Variants in HROB observed in about 807,000 individuals in gnomAD.
HROB encodes the protein homologous recombination OB-fold protein.
In HROB, 44 loss-of-function variants were observed where a neutral mutation model predicts 61.0. That is an observed-to-expected ratio of 0.72 (90% CI 0.57 to 0.93). The LOEUF (loss-of-function observed/expected upper bound fraction) is 0.93. Ranked by LOEUF, HROB falls within the 40% of genes least tolerant of loss-of-function variation. The pLI, the probability that HROB is intolerant of heterozygous loss-of-function variation, is 0.00. For missense variants in HROB, 716 were observed against 796.2 expected (o/e 0.90, Z 1.21); for synonymous variants, 301 against 310.4 (o/e 0.97, Z 0.32).
Position 44,147,859 on chromosome 17 carries a change from A to T in HROB, c.56A>T (p.Asp19Val), listed in dbSNP as rs2053658523. Residue 19 changes from aspartate (D) to valine (V), a missense_variant and splice_region_variant, in exon 3 of 10, where the codon GAT becomes GTT. Coordinates refer to ENST00000585683, the MANE Select transcript of HROB (RefSeq NM_001171251.3). Reference protein sequence around the residue: ...FAVEEEFEDEDFLSAVEDAEN... With the variant: ...FAVEEEFEDEVFLSAVEDAEN... ...CCTACCATCTCTGCTTCCTTGTAGG[A>T]TTTCTTGTCTGCTGTGGAGGATGCA... is the stretch of plus-strand genomic sequence containing the variant. The T allele has an allele frequency of 6.2e-7, 1 of 1,608,630 alleles. No homozygotes were observed. The highest frequency in any genetic ancestry group is 8.5e-7 in the Non-Finnish European group (1 of 1,176,016).
Position 44,161,942 on chromosome 17 carries a change from A to G in HROB, c.*10A>G, listed in dbSNP as rs369746705. 1.4e-5 allele frequency: 23 copies of G among 1,613,256 alleles called. No individual in the cohort carries two copies. The highest frequency in any genetic ancestry group is 2.0e-5 in the Non-Finnish European group (23 of 1,179,314). On this transcript the variant is annotated 3_prime_UTR_variant, in exon 10 of 10. Coordinates refer to ENST00000585683, the MANE Select transcript of HROB (RefSeq NM_001171251.3). ...TGGGACCAGTAGTTGAGACTGCCCC[A>G]ACGCAGGACAACCCACCATGAGCAG...
Position 44,151,028 on chromosome 17 carries a change from C to G in HROB, c.1292C>G (p.Ala431Gly). Residue 431 changes from alanine to glycine, a missense_variant, in exon 4 of 10, where the codon GCT becomes GGT. Coordinates refer to ENST00000585683, the MANE Select transcript of HROB (RefSeq NM_001171251.3). ...CAAACTCCAACCCATGGTGCTCTGG[C>G]TAAATTCCAGACAGAGGTAACTTAT... ...APQTPTHGAL[A>G]KFQTEIVASS... 1 of 1,612,806 alleles carries G rather than the reference C, an allele frequency of 6.2e-7. No homozygotes were observed. The highest frequency in any genetic ancestry group is 1.1e-5 in the South Asian group (1 of 91,008).
Position 44,147,131 on chromosome 17 carries a change from A to G in HROB, c.55-727A>G, listed in dbSNP as rs186800754. ...AAGGACAGGCAGCATGACCAGCTGG[A>G]TAGATCCCTGTTTAGATAACAGGCC... On this transcript the variant is annotated intron_variant, in intron 2 of 9. Transcript: ENST00000585683. Among the ~76,000 whole-genome samples, 17 of 152,058 alleles carry G rather than the reference A, an allele frequency of 1.1e-4. No individual in the cohort carries two copies. In the East Asian group the frequency reaches 2.7e-3, roughly 24 times the overall value.
At position 44,148,435 on chromosome 17, in the gene HROB, A is replaced by G. The variant is rs2053683377; in HGVS notation, c.632A>G (p.Lys211Arg). 2.5e-6 allele frequency: 4 copies of G among 1,614,104 alleles called. No homozygotes were observed. Among genetic ancestry groups the G allele is most frequent in the Non-Finnish European group, 3.4e-6 (4 of 1,180,000 alleles). ...RVVDLSGSCQ[K>R]GPVPAIHKAG... ...GTTGATCTGAGTGGATCTTGCCAGAAGGGGCCTGTGCCTGCCATCCACAAA... is the reference window on the plus strand; with the variant it reads ...GTTGATCTGAGTGGATCTTGCCAGAGGGGGCCTGTGCCTGCCATCCACAAA... The change falls in exon 3 of 10, where the codon AAG (lysine) becomes AGG (arginine). Residue 211 changes from lysine (K) to arginine (R), a missense_variant. Coordinates refer to ENST00000585683, the MANE Select transcript of HROB (RefSeq NM_001171251.3).
chr17:44,151,916 G>A (rs1002867361), intron 4 of HROB, among the ~76,000 whole-genome samples: 3 of 151,688 alleles, frequency 2.0e-5, no homozygotes, highest in Admixed American at 1.3e-4. Context: ...TCGTGATCTC[G>A]GCTCACTGCA....
At position 44,142,872 on chromosome 17, in the gene HROB, G is replaced by A. The variant is rs1011913769; in HGVS notation, c.3+727G>A. Among the ~76,000 whole-genome samples the A allele has an allele frequency of 9.2e-5, 14 of 152,136 alleles. No individual in the cohort carries two copies. In the East Asian group the frequency reaches 2.3e-3, roughly 25 times the overall value. ...TTATGTTTGACATAAGATTGGTCAG[G>A]CGAAACCTTTGGGATATTGCAAAAT... is the stretch of plus-strand genomic sequence containing the variant. On this transcript the variant is annotated intron_variant, in intron 1 of 9. Coordinates refer to ENST00000585683, the MANE Select transcript of HROB (RefSeq NM_001171251.3).
chr17:44,148,615 A>G lies in HROB; in HGVS notation c.812A>G (p.Gln271Arg). 6.2e-7 allele frequency: 1 copy of G among 1,613,616 alleles called. No individual in the cohort carries two copies. Among genetic ancestry groups the G allele is most frequent in the Non-Finnish European group, 8.5e-7 (1 of 1,180,006 alleles). The part of the protein sequence containing the change: ...TQQLHWEVCP[Q>R]RSPVQALQPL... ...CAACTCCACTGGGAAGTCTGTCCGCAACGCTCCCCTGTTCAAGCACTTCAG... is the reference window on the plus strand; with the variant it reads ...CAACTCCACTGGGAAGTCTGTCCGCGACGCTCCCCTGTTCAAGCACTTCAG... The change falls in exon 3 of 10, where the codon CAA becomes CGA. Residue 271 changes from glutamine (Q) to arginine (R), a missense_variant. Physicochemically the swap from Gln to Arg is conservative, Grantham distance 43. Coordinates refer to ENST00000585683, the MANE Select transcript of HROB (RefSeq NM_001171251.3).
Position 44,148,170 on chromosome 17 carries a change from C to T in HROB, c.367C>T (p.Leu123Phe). The change falls in exon 3 of 10, where the codon CTC (leucine) becomes TTC (phenylalanine). Residue 123 changes from leucine (L) to phenylalanine (F), a missense_variant. Coordinates refer to ENST00000585683, the MANE Select transcript of HROB (RefSeq NM_001171251.3). ...GAGAAGAGTGACAGTGACAGAAGTG[C>T]TCAGAGAGACAGCAAGACCTCAGTC... is the stretch of plus-strand genomic sequence containing the variant. ...NQRRVTVTEVLRETARPQSSA... is the reference protein window; with the variant it reads ...NQRRVTVTEVFRETARPQSSA... 2.5e-6 allele frequency: 4 copies of T among 1,614,192 alleles called. No individual in the cohort carries two copies. Among genetic ancestry groups the T allele is most frequent in the Non-Finnish European group, 3.4e-6 (4 of 1,180,034 alleles).
At chr17:44,152,851 A>T in intron 5 of HROB, 74 bp downstream of exon 5, 4 of 1,550,414 alleles carry the variant, frequency 2.6e-6, no homozygotes, top group Non-Finnish European at 2.6e-6. Flanking sequence ...GCCCTACTCC[A>T]CCTTAGGAAG....
chr17:44,153,086 G>A (rs760382676), intron 5 of HROB, among the ~76,000 whole-genome samples: 1 of 152,172 alleles, frequency 6.6e-6, no homozygotes, highest in Non-Finnish European at 1.5e-5. Flanking sequence ...GCAGAGACAT[G>A]CCAGTACATG....
At chr17:44,161,213 A>AAG (rs1190172540) in intron 9 of HROB, among the ~76,000 whole-genome samples, 1 of 151,712 alleles carries the variant, frequency 6.6e-6, no homozygotes, top group East Asian at 1.9e-4. Context: ...AAAAAAAAAA[A>AAG]AAAAGTTTGT....
chr17:44,153,431 G>A lies in HROB; in HGVS notation c.1449+654G>A, dbSNP rs190902369. Reference sequence around the variant, plus strand: ...GATCGTGCCACTGCCCTCCAGCCGGGGCAATAGAGCGAGAGCTTGTCTCCT... The same window carrying A: ...GATCGTGCCACTGCCCTCCAGCCGGAGCAATAGAGCGAGAGCTTGTCTCCT... On this transcript the variant is annotated intron_variant, in intron 5 of 9. Transcript: ENST00000585683. Among the ~76,000 whole-genome samples, 226 of 152,044 alleles carry A rather than the reference G, an allele frequency of 1.5e-3. 2 individuals are homozygous for A. Among genetic ancestry groups the A allele is most frequent in the African/African-American group, 5.3e-3 (221 of 41,456 alleles).
intron 7 of HROB, 124 bp from the exon 8 acceptor site, chr17:44,155,162 G>C (rs2053934641): frequency 1.4e-6 from 2 of 1,446,244 alleles, no homozygotes; most frequent in South Asian, 1.3e-5. Context: ...TGTGGCAAAT[G>C]GTTCTCTTCT....
chr17:44,160,339 G>A (rs1405514870), intron 9 of HROB, among the ~76,000 whole-genome samples: 2 of 152,024 alleles, frequency 1.3e-5, no homozygotes, highest in East Asian at 1.9e-4. Context: ...AGGCCAAGGT[G>A]GGCGGATCAC....
rs376034206 is a variant in HROB, at chr17:44,154,804, G to A, written c.1559-49G>A. 82 of 1,607,294 alleles carry A rather than the reference G, an allele frequency of 5.1e-5. No homozygotes were observed. In the African/African-American group the frequency reaches 7.8e-4, roughly 15 times the overall value. ...TTCCCAGCCAGGGCCCATACCAGTC[G>A]CTGTGCTGCCCTTGACCCCGAGACT... is the stretch of plus-strand genomic sequence containing the variant. On this transcript the variant is annotated intron_variant, in intron 6 of 9. Coordinates refer to ENST00000585683, the MANE Select transcript of HROB (RefSeq NM_001171251.3).
chr17:44,147,779 C>A, intron 2 of HROB, 79 bp from the exon 3 acceptor site: 1 of 1,350,262 alleles, frequency 7.4e-7, no homozygotes, highest in South Asian at 1.3e-5. Context: ...CAAACATACA[C>A]GCCATGTGCC....
At chr17:44,147,032 T>TGC (rs1421794577) in intron 2 of HROB, among the ~76,000 whole-genome samples, 2 of 110,864 alleles carry the variant, frequency 1.8e-5, no homozygotes. Context: ...CTGTGTAGTG[T>TGC]GTGTGTGTGT....
rs879731423 is a variant in HROB at position 44,151,836 on chromosome 17, G to GTTATT, written c.1309-778_1309-774dup. On this transcript the variant is annotated intron_variant, in intron 4 of 9. Transcript: ENST00000585683. The stretch of plus-strand genomic sequence containing the variant: ...ATTTTATTTTATTATGTTATTTTAT[G>GTTATT]TTATTTTATTTTATTTTATTTTATT... 1.7e-3 allele frequency among the ~76,000 whole-genome samples: 254 copies of GTTATT among 148,078 alleles called. 2 individuals are homozygous for GTTATT. The highest frequency in any genetic ancestry group is 5.7e-3 in the African/African-American group (217 of 38,066).
At position 44,162,000 on chromosome 17, in the gene HROB, G is replaced by T; in HGVS notation, c.*68G>T. 6.5e-7 allele frequency: 1 copy of T among 1,531,718 alleles called. No individual in the cohort carries two copies. The highest frequency in any genetic ancestry group is 9.0e-7 in the Non-Finnish European group (1 of 1,108,232). 94.9% of individuals were successfully genotyped at this position (1,531,718 alleles called of 1,614,324 possible). A position where few individuals can be genotyped will look rare whatever the true frequency, so the allele number is the denominator to read the frequency against. On this transcript the variant is annotated 3_prime_UTR_variant, in exon 10 of 10. Coordinates refer to ENST00000585683, the MANE Select transcript of HROB (RefSeq NM_001171251.3). ...TGGGCATGTGTCTGGTCACATCCAA[G>T]GGGGAGAAGAAGGCCAGCATGATTG...
Sources: allele counts gnomAD v4.1 joint callset (sites outside exome capture counted in the v4.1 genomes callset), GRCh38; gene constraint gnomAD v4.1.1; transcripts MANE v1.5; gene names NCBI Gene and HGNC (gene_info 2026-07-23, HGNC 2026-07-21).